PHEX: variants seen among roughly 807,000 people sequenced by gnomAD.
PHEX encodes the protein phosphate regulating endopeptidase X-linked.
In PHEX, 16 loss-of-function variants were observed where a neutral mutation model predicts 68.0. The ratio of observed to expected loss-of-function variants is 0.24; its 90% confidence interval spans 0.16 to 0.36. The LOEUF (loss-of-function observed/expected upper bound fraction) is 0.36, where lower values mean the gene tolerates loss of function less well. Among genes scored for constraint, PHEX ranks in the 10% least tolerant of loss-of-function variants. The probability of loss-of-function intolerance (pLI) is 1.00; values close to 1 mark genes in which losing one functional copy is unlikely to be tolerated. For missense variants in PHEX, 480 were observed against 575.5 expected (o/e 0.83, Z 1.70); for synonymous variants, 208 against 205.1 (o/e 1.01, Z -0.12).
At chrX:22,072,175 C>T (rs190922825) in intron 3 of PHEX, among the ~76,000 whole-genome samples, 61 of 112,525 alleles carry the variant, frequency 5.4e-4, no homozygotes, top group African/African-American at 1.9e-3. Flanking sequence ...TTGCAGTGAG[C>T]TGAGATCCTG....
intron 9 of PHEX, among the ~76,000 whole-genome samples, chrX:22,109,876 G>A (rs979479270): frequency 8.9e-6 from 1 of 112,033 alleles, no homozygotes; most frequent in Non-Finnish European, 1.9e-5. Flanking sequence ...ATTTGGAAGT[G>A]AAAGACAAAA....
intron 12 of PHEX, among the ~76,000 whole-genome samples, chrX:22,154,488 A>G (rs1025291794): frequency 9.0e-6 from 1 of 111,472 alleles, no homozygotes; most frequent in Non-Finnish European, 1.9e-5. Context: ...ACATTTGGCA[A>G]TGTCTGGAGA....
At chrX:22,218,063 T>C (rs1057398442) in intron 16 of PHEX, among the ~76,000 whole-genome samples, 10 of 109,979 alleles carry the variant, frequency 9.1e-5, no homozygotes, top group African/African-American at 3.3e-4. Flanking sequence ...CACCTGTCTG[T>C]GCCCCAGTTG....
At chrX:22,218,553 TCTCTA>T (rs773735448) in intron 16 of PHEX, among the ~76,000 whole-genome samples, 4 of 112,304 alleles carry the variant, frequency 3.6e-5, no homozygotes, top group Non-Finnish European at 7.5e-5. Context: ...TCCCTTTTAA[TCTCTA>T]CTCTATTCCT....
At chrX:22,153,006 T>C (rs942980657) in intron 12 of PHEX, among the ~76,000 whole-genome samples, 1 of 109,924 alleles carries the variant, frequency 9.1e-6, no homozygotes, top group African/African-American at 3.3e-5. Context: ...TTTTTTTTTT[T>C]TTTGAGACAG....
chrX:22,073,678 C>T (rs1929016562), intron 3 of PHEX, among the ~76,000 whole-genome samples: 1 of 66,735 alleles, frequency 1.5e-5, no homozygotes, highest in African/African-American at 6.4e-5. Context: ...CACACTTTGT[C>T]GCCCACGCTG....
chrX:22,249,117 A>G lies in PHEX; in HGVS notation c.*1164A>G, dbSNP rs1435618676. On this transcript the variant is annotated 3_prime_UTR_variant, in exon 22 of 22. Transcript: ENST00000379374. The stretch of plus-strand genomic sequence containing the variant: ...AAATAAACATAATTTTTACTCTTCA[A>G]GTCATCTAAAGAGTTGTGAGAAAGA... The G allele has an allele frequency of 9.1e-6, 1 of 109,597 alleles. No individual in the cohort carries two copies. Among genetic ancestry groups the G allele is most frequent in the Non-Finnish European group, 1.9e-5 (1 of 52,694 alleles). 9.0% of individuals were successfully genotyped at this position (109,597 alleles called of 1,213,427 possible).
intron 14 of PHEX, among the ~76,000 whole-genome samples, chrX:22,185,284 A>T (rs1458846049): frequency 8.9e-6 from 1 of 112,381 alleles, no homozygotes; most frequent in Non-Finnish European, 1.9e-5. Context: ...ATTGAAGTGG[A>T]TGTATACATG....
At chrX:22,077,429 A>G (rs1433069775) in intron 4 of PHEX, 47 bp from the exon 5 acceptor site, 3 of 1,040,435 alleles carry the variant, frequency 2.9e-6, no homozygotes, top group Admixed American at 2.2e-5. Flanking sequence ...TAGTGTGCTG[A>G]TCCAGTTTGC....
At chrX:22,187,912 T>C (rs990833397) in intron 14 of PHEX, among the ~76,000 whole-genome samples, 1 of 112,012 alleles carries the variant, frequency 8.9e-6, no homozygotes, top group African/African-American at 3.2e-5. Context: ...AGACCAGGCC[T>C]CGTACAAGCA....
intron 6 of PHEX, among the ~76,000 whole-genome samples, chrX:22,091,602 C>T (rs1929886682): frequency 8.9e-6 from 1 of 111,807 alleles, no homozygotes; most frequent in Non-Finnish European, 1.9e-5. Context: ...GCCTTCGCTC[C>T]CAAGACAGGG....
At position 22,221,613 on chromosome X, in the gene PHEX, G is replaced by A; in HGVS notation, c.1769G>A (p.Gly590Asp). Residue 590 changes from glycine (G) to aspartate (D), a missense_variant and splice_region_variant, in exon 18 of 22, where the codon GGT becomes GAT. Gly to Asp is a moderately conservative substitution (Grantham distance 94). Transcript: ENST00000379374. ...GTCTTCGAACTTTTCCTTTTGCTAGGTAGAAAATATGATAAAAATGGAAAC... is the reference window on the plus strand; with the variant it reads ...GTCTTCGAACTTTTCCTTTTGCTAGATAGAAAATATGATAAAAATGGAAAC... ...HEFTHGFDNNGRKYDKNGNLD... is the reference protein window; with the variant it reads ...HEFTHGFDNNDRKYDKNGNLD... The A allele has an allele frequency of 8.3e-7, 1 of 1,199,921 alleles. No individual in the cohort carries two copies. The highest frequency in any genetic ancestry group is 1.1e-6 in the Non-Finnish European group (1 of 884,938).
chrX:22,115,484 C>A (rs1056798977), intron 11 of PHEX, among the ~76,000 whole-genome samples: 3 of 111,708 alleles, frequency 2.7e-5, no homozygotes, highest in African/African-American at 9.8e-5. Context: ...TTAGCAAATT[C>A]AAGTATACAA....
At chrX:22,224,375 C>T (rs1306516774) in intron 18 of PHEX, among the ~76,000 whole-genome samples, 2 of 112,100 alleles carry the variant, frequency 1.8e-5, no homozygotes, top group African/African-American at 6.5e-5. Flanking sequence ...TAGCCTCACC[C>T]TGATTCCACA....
At chrX:22,097,142 C>T in intron 8 of PHEX, 104 bp downstream of exon 8, 1 of 596,390 alleles carries the variant, frequency 1.7e-6, no homozygotes, top group Admixed American at 2.4e-5. Context: ...TGCTCTCAGT[C>T]TTGGTTATCA....
rs763083850 is a variant in PHEX at position 22,074,452 on chromosome X, G to A, written c.350-1936G>A. On this transcript the variant is annotated intron_variant, in intron 3 of 21. Coordinates refer to ENST00000379374, the MANE Select transcript of PHEX (RefSeq NM_000444.6). ...GGGATTGCCCTATTTAGCATCTGCT[G>A]ATCCTCTTTTTCCCTCCCTGTGATA... 4.5e-5 allele frequency among the ~76,000 whole-genome samples: 5 copies of A among 110,767 alleles called. No individual in the cohort carries two copies. In the South Asian group the frequency reaches 1.5e-3, roughly 34 times the overall value.
At chrX:22,225,608 G>A (rs1935466672) in intron 18 of PHEX, among the ~76,000 whole-genome samples, 1 of 112,230 alleles carries the variant, frequency 8.9e-6, no homozygotes, top group South Asian at 3.7e-4. Context: ...GCATGGCTGT[G>A]TCCCAATAAA....
intron 15 of PHEX, among the ~76,000 whole-genome samples, chrX:22,211,287 G>A (rs1046328712): frequency 5.4e-5 from 6 of 112,130 alleles, no homozygotes; most frequent in African/African-American, 1.9e-4. Context: ...AAATGCCATT[G>A]AGGGGGCTAA....
intron 20 of PHEX, among the ~76,000 whole-genome samples, chrX:22,238,625 C>A (rs1185621256): frequency 1.8e-5 from 2 of 111,541 alleles, no homozygotes; most frequent in South Asian, 3.9e-4. Flanking sequence ...GGCTGTTTTA[C>A]CCTCACAGTG....
Sources: allele counts gnomAD v4.1 joint callset (sites outside exome capture counted in the v4.1 genomes callset), GRCh38; gene constraint gnomAD v4.1.1; transcripts MANE v1.5; gene names NCBI Gene and HGNC (gene_info 2026-07-23, HGNC 2026-07-21).